RBFOX1: variants seen among roughly 807,000 people sequenced by gnomAD.
RBFOX1 encodes RNA binding fox-1 homolog 1.
Under a neutral mutation model 57.7 loss-of-function variants are expected in RBFOX1, and 8 were observed. That is an observed-to-expected ratio of 0.14 (90% CI 0.08 to 0.25). The LOEUF (loss-of-function observed/expected upper bound fraction) is 0.25. RBFOX1 is among the 10% of genes least tolerant of loss of function. The pLI is 1.00. For missense variants in RBFOX1, 611 were observed against 548.5 expected, an observed-to-expected ratio of 1.11 and a Z score of -1.14; for synonymous variants, 326 against 222.4, an observed-to-expected ratio of 1.47 and a Z score of -4.15.
At chr16:7,672,025 C>A (rs146388041) in intron 13 of RBFOX1, among the ~76,000 whole-genome samples, 21 of 152,166 alleles carry the variant, frequency 1.4e-4, no homozygotes, top group Non-Finnish European at 2.8e-4. Context: ...TTAGTAGGTT[C>A]CCAGAGTGAA....
intron 4 of RBFOX1, among the ~76,000 whole-genome samples, chr16:7,171,570 T>C (rs896883930): frequency 1.3e-5 from 2 of 152,202 alleles, no homozygotes; most frequent in African/African-American, 4.8e-5. Context: ...CCTCAGTGTT[T>C]AGAATGTAAT....
intron 3 of RBFOX1, among the ~76,000 whole-genome samples, chr16:5,856,563 ATG>A (rs1317876935): frequency 1.5e-5 from 1 of 66,942 alleles, no homozygotes. Flanking sequence ...GTGTGTGTGT[ATG>A]TGTGTGTGTG....
At chr16:6,472,523 C>T (rs941561003) in intron 2 of RBFOX1, among the ~76,000 whole-genome samples, 2 of 152,140 alleles carry the variant, frequency 1.3e-5, no homozygotes, top group African/African-American at 4.8e-5. Context: ...CTGCTGACAT[C>T]TGTGGAGTGA....
At chr16:6,073,787 A>G (rs1426273598) in intron 1 of RBFOX1, among the ~76,000 whole-genome samples, 1 of 147,522 alleles carries the variant, frequency 6.8e-6, no homozygotes, top group Admixed American at 6.8e-5. Flanking sequence ...CATAAAAGGT[A>G]TATATTTTTT....
intron 3 of RBFOX1, among the ~76,000 whole-genome samples, chr16:5,791,140 T>C (rs983180748): frequency 3.9e-5 from 6 of 152,114 alleles, no homozygotes; most frequent in Non-Finnish European, 8.8e-5. Context: ...AGTGCTGGGA[T>C]TACAGGCGTG....
intron 3 of RBFOX1, among the ~76,000 whole-genome samples, chr16:6,903,331 G>C (rs1055596454): frequency 1.3e-5 from 2 of 152,178 alleles, no homozygotes; most frequent in African/African-American, 4.8e-5. Context: ...CCTGGAGTAA[G>C]GAAGGCGGTG....
At chr16:7,199,226 C>G (rs554228652) in intron 4 of RBFOX1, among the ~76,000 whole-genome samples, 13 of 152,258 alleles carry the variant, frequency 8.5e-5, no homozygotes, top group African/African-American at 3.1e-4. Flanking sequence ...TTTTAAGGAG[C>G]TAAGAGCTTA....
intron 4 of RBFOX1, among the ~76,000 whole-genome samples, chr16:7,080,786 C>T (rs774030368): frequency 6.6e-6 from 1 of 152,140 alleles, no homozygotes; most frequent in Non-Finnish European, 1.5e-5. Flanking sequence ...TCATTCATTG[C>T]GTGGAAGACC....
At chr16:5,679,875 A>G (rs2050277515) in intron 3 of RBFOX1, among the ~76,000 whole-genome samples, 1 of 152,188 alleles carries the variant, frequency 6.6e-6, no homozygotes, top group South Asian at 2.1e-4. Context: ...AGTACAGTTC[A>G]TAGTGAGCAA....
chr16:5,780,503 C>A (rs1465995146), intron 3 of RBFOX1, among the ~76,000 whole-genome samples: 2 of 152,060 alleles, frequency 1.3e-5, no homozygotes, highest in Non-Finnish European at 2.9e-5. Context: ...ACGTTGTATA[C>A]CATAGATATA....
chr16:7,709,002 A>C (rs891456069), intron 14 of RBFOX1, 54 bp from the exon 15 acceptor site: 2 of 1,515,126 alleles, frequency 1.3e-6, no homozygotes. Flanking sequence ...TATGATTGTT[A>C]TTGTTTTGTA....
intron 2 of RBFOX1, among the ~76,000 whole-genome samples, chr16:6,496,242 C>A (rs146433498): frequency 6.6e-6 from 1 of 152,072 alleles, no homozygotes; most frequent in Non-Finnish European, 1.5e-5. Flanking sequence ...AGATTGTTGA[C>A]ATAAATGGTG....
rs1567941658 is a variant in RBFOX1 at position 6,931,325 on chromosome 16, C to T, written c.-15-120732C>T. ...TCTATCTATCTATCTATCTATCTATCTATCTATCTATCTCTACACACACAC... is the reference window on the plus strand; with the variant it reads ...TCTATCTATCTATCTATCTATCTATTTATCTATCTATCTCTACACACACAC... On this transcript the variant is annotated intron_variant, in intron 3 of 15. Transcript: ENST00000550418. 7.9e-5 allele frequency among the ~76,000 whole-genome samples: 10 copies of T among 127,198 alleles called. No homozygotes were observed. In the South Asian group the frequency reaches 2.4e-3, roughly 31 times the overall value. The allele number at this position is 127,198 out of a possible 152,430, so 83.4% of individuals were successfully genotyped here.
intron 1 of RBFOX1, among the ~76,000 whole-genome samples, chr16:5,279,007 T>A (rs983201762): frequency 3.0e-4 from 45 of 152,344 alleles, no homozygotes; most frequent in Admixed American, 2.0e-4. Flanking sequence ...AGTACATTTT[T>A]AAATCAGGTA....
At chr16:6,764,202 G>C (rs1327225803) in intron 3 of RBFOX1, among the ~76,000 whole-genome samples, 4 of 152,160 alleles carry the variant, frequency 2.6e-5, no homozygotes, top group Admixed American at 1.3e-4. Flanking sequence ...TTGAGCATCT[G>C]AACTTCATCT....
chr16:7,448,855 A>G (rs13336064), intron 4 of RBFOX1, among the ~76,000 whole-genome samples: 4,271 of 150,790 alleles, frequency 0.028, 194 homozygotes, highest in African/African-American at 0.098. Flanking sequence ...GTATAATCTC[A>G]TCTTAACTAA....
intron 2 of RBFOX1, among the ~76,000 whole-genome samples, chr16:5,505,237 T>C (rs564707938): frequency 2.4e-4 from 37 of 152,346 alleles, no homozygotes; most frequent in Non-Finnish European, 4.7e-4. Context: ...AAACCTGGAA[T>C]TTCCACCTCT....
intron 3 of RBFOX1, chr16:5,611,386 C>T (rs2047780366): frequency 6.6e-6 from 1 of 152,168 alleles, no homozygotes; most frequent in South Asian, 2.1e-4. Flanking sequence ...GCAACCCCAG[C>T]ATCACCTCAG....
intron 3 of RBFOX1, among the ~76,000 whole-genome samples, chr16:6,759,221 G>A (rs2076245611): frequency 6.6e-6 from 1 of 150,590 alleles, no homozygotes; most frequent in Admixed American, 6.7e-5. Flanking sequence ...CATAACCTTA[G>A]CTCACTGGAA....
Sources: allele counts gnomAD v4.1 joint callset (sites outside exome capture counted in the v4.1 genomes callset), GRCh38; gene constraint gnomAD v4.1.1; transcripts MANE v1.5; gene names NCBI Gene and HGNC (gene_info 2026-07-23, HGNC 2026-07-21).